The following CFAP210 variants were observed in gnomAD, a reference collection of about 807,000 sequenced individuals.
CFAP210 encodes cilia and flagella associated protein 210, also known as cilia- and flagella- associated protein 210.
At chr2:169,686,573 T>C in the CFAP210 span, among the ~76,000 whole-genome samples, 1 of 152,180 alleles carries the variant, frequency 6.6e-6, no homozygotes, top group Non-Finnish European at 1.5e-5. Flanking sequence ...CTGGAAGTAA[T>C]GCAGGGCATC....
At chr2:169,676,274 A>C in the CFAP210 span, among the ~76,000 whole-genome samples, 1 of 152,028 alleles carries the variant, frequency 6.6e-6, no homozygotes, top group African/African-American at 2.4e-5. Context: ...ATGGGTTTAT[A>C]GACAGTCTTG....
At chr2:169,684,473 C>T in the CFAP210 span, among the ~76,000 whole-genome samples, 1 of 152,220 alleles carries the variant, frequency 6.6e-6, no homozygotes, top group South Asian at 2.1e-4. Context: ...CTCTCCTCCT[C>T]ATAGCTCCTG....
the CFAP210 span, among the ~76,000 whole-genome samples, chr2:169,649,666 C>T: frequency 6.6e-6 from 1 of 152,128 alleles, no homozygotes; most frequent in Non-Finnish European, 1.5e-5. Context: ...GGTGGCTCAA[C>T]ACCTGTAATC....
the CFAP210 span, among the ~76,000 whole-genome samples, chr2:169,672,807 C>T: frequency 2.6e-5 from 4 of 152,138 alleles, no homozygotes; most frequent in Admixed American, 6.5e-5. Context: ...TGGTGACACC[C>T]TCACAGACAC....
At chr2:169,690,227 G>A in the CFAP210 span, among the ~76,000 whole-genome samples, 1 of 152,098 alleles carries the variant, frequency 6.6e-6, no homozygotes, top group Non-Finnish European at 1.5e-5. Flanking sequence ...ATGATCTATA[G>A]TTTTCTTGTG....
chr2:169,654,693 T>C, the CFAP210 span, among the ~76,000 whole-genome samples: 147 of 152,250 alleles, frequency 9.7e-4, 1 homozygote, highest in Non-Finnish European at 1.7e-3. Flanking sequence ...CTTTTATATC[T>C]TCTTAATGCT....
At chr2:169,684,181 G>A in the CFAP210 span, among the ~76,000 whole-genome samples, 1 of 152,072 alleles carries the variant, frequency 6.6e-6, no homozygotes, top group South Asian at 2.1e-4. Context: ...TGGACAGAGA[G>A]AGAATATAAA....
At chr2:169,681,356 T>TTATC in the CFAP210 span, 2 of 796,618 alleles carry the variant, frequency 2.5e-6, no homozygotes, top group South Asian at 1.5e-5. Flanking sequence ...TTTACTCTTG[T>TTATC]TATCCTAAGA....
At chr2:169,693,379 C>A in the CFAP210 span, among the ~76,000 whole-genome samples, 4 of 152,174 alleles carry the variant, frequency 2.6e-5, no homozygotes, top group Non-Finnish European at 4.4e-5. Context: ...CCAAAACTGG[C>A]CATGTTGGTA....
At chr2:169,687,896 C>G in the CFAP210 span, among the ~76,000 whole-genome samples, 2 of 152,174 alleles carry the variant, frequency 1.3e-5, no homozygotes, top group East Asian at 1.9e-4. Context: ...GACATCCAGG[C>G]ATTTCCATAC....
At chr2:169,649,012 T>C in the CFAP210 span, among the ~76,000 whole-genome samples, 2 of 152,210 alleles carry the variant, frequency 1.3e-5, no homozygotes. Flanking sequence ...ACATGGGAAC[T>C]TCACTGGAGA....
the CFAP210 span, chr2:169,694,167 G>T: frequency 8.2e-7 from 1 of 1,221,312 alleles, no homozygotes; most frequent in Non-Finnish European, 1.2e-6. Context: ...CATTTCAAAA[G>T]GCAACTGAAG....
the CFAP210 span, among the ~76,000 whole-genome samples, chr2:169,687,111 C>T: frequency 2.6e-5 from 4 of 152,140 alleles, no homozygotes; most frequent in South Asian, 2.1e-4. Flanking sequence ...AGACCAGCCC[C>T]CATGATTCAA....
chr2:169,676,610 T>C, the CFAP210 span, among the ~76,000 whole-genome samples: 61,886 of 151,868 alleles, frequency 0.41, 12,899 homozygotes, highest in Non-Finnish European at 0.44. Flanking sequence ...ATAGTTTTGC[T>C]TTTTTCAGAA....
chr2:169,674,823 A>G, the CFAP210 span: 15 of 1,502,824 alleles, frequency 1.0e-5, 1 homozygote, highest in Admixed American at 3.8e-4. Context: ...TTATGTACAG[A>G]TATGTTAAAG....
the CFAP210 span, among the ~76,000 whole-genome samples, chr2:169,677,916 TAAC>T: frequency 6.6e-6 from 1 of 152,144 alleles, no homozygotes. Context: ...TTTCTAAAGC[TAAC>T]AATAGCAGAT....
chr2:169,685,001 G>A, the CFAP210 span, among the ~76,000 whole-genome samples: 2 of 152,130 alleles, frequency 1.3e-5, no homozygotes, highest in Non-Finnish European at 2.9e-5. Context: ...TATAGAAGTA[G>A]CACATTTTGT....
At chr2:169,645,840 T>C in the CFAP210 span, 1 of 1,585,364 alleles carries the variant, frequency 6.3e-7, no homozygotes, top group South Asian at 1.1e-5. Context: ...ATAATTTTTT[T>C]CTACCATGTA....
At chr2:169,687,495 C>A in the CFAP210 span, among the ~76,000 whole-genome samples, 1 of 146,248 alleles carries the variant, frequency 6.8e-6, no homozygotes, top group Non-Finnish European at 1.5e-5. Context: ...AGGACCCATG[C>A]AAGTCCAAAA....
Sources: gnomAD v4.1 joint callset for allele counts (sites outside exome capture counted in the v4.1 genomes callset) on GRCh38, gnomAD v4.1.1 for gene constraint, MANE v1.5 for transcripts, NCBI Gene and HGNC (gene_info 2026-07-23, HGNC 2026-07-21) for gene names.